Variants in RB1CC1 observed in about 807,000 individuals in gnomAD.
RB1CC1 encodes the protein RB1 inducible coiled-coil 1.
RB1CC1 carries 46 observed loss-of-function variants against 177.5 expected under a neutral mutation model. The observed-to-expected ratio is 0.26, with a 90% confidence interval of 0.20 to 0.33. The LOEUF is 0.33. RB1CC1 is among the 10% of genes least tolerant of loss of function. The pLI is 1.00. For synonymous variants in RB1CC1, 666 were observed against 613.6 expected, an observed-to-expected ratio of 1.09 and a Z score of -1.26; for missense variants, 1,703 against 1,816.3, an observed-to-expected ratio of 0.94 and a Z score of 1.13.
At chr8:52,661,052 G>C in intron 10 of RB1CC1, 43 bp downstream of exon 10, 1 of 1,610,868 alleles carries the variant, frequency 6.2e-7, no homozygotes. Context: ...ACACCAATTC[G>C]TTAAAGTTCA....
At chr8:52,697,767 A>C (rs1563460821) in intron 1 of RB1CC1, among the ~76,000 whole-genome samples, 2 of 152,226 alleles carry the variant, frequency 1.3e-5, no homozygotes, top group African/African-American at 4.8e-5. Flanking sequence ...ACACTAGAAA[A>C]TGTATTATTT....
chr8:52,666,411 C>A (rs1368299728), intron 8 of RB1CC1, among the ~76,000 whole-genome samples: 1 of 151,562 alleles, frequency 6.6e-6, no homozygotes, highest in Admixed American at 6.6e-5. Flanking sequence ...CCAGCTACTT[C>A]GGAGACTGAG....
chr8:52,677,624 ATTATTT>A (rs1853250887), intron 5 of RB1CC1, among the ~76,000 whole-genome samples: 1 of 152,232 alleles, frequency 6.6e-6, no homozygotes, highest in Non-Finnish European at 1.5e-5. Flanking sequence ...ATGTAAAATG[ATTATTT>A]TTAAGTTGTC....
At chr8:52,700,627 T>C (rs564968126) in intron 1 of RB1CC1, among the ~76,000 whole-genome samples, 26 of 152,344 alleles carry the variant, frequency 1.7e-4, no homozygotes, top group East Asian at 7.7e-4. Context: ...ATATCTTATT[T>C]GCAGCCAATC....
At chr8:52,684,363 G>C (rs964181211) in intron 3 of RB1CC1, among the ~76,000 whole-genome samples, 1 of 152,094 alleles carries the variant, frequency 6.6e-6, no homozygotes, top group Non-Finnish European at 1.5e-5. Flanking sequence ...AATCATTCAT[G>C]TAAGTGTAAA....
chr8:52,707,636 C>T (rs1455905196), intron 1 of RB1CC1, among the ~76,000 whole-genome samples: 1 of 152,046 alleles, frequency 6.6e-6, no homozygotes, highest in Non-Finnish European at 1.5e-5. Flanking sequence ...TACTCCCTAC[C>T]AGTTACAACC....
intron 18 of RB1CC1, among the ~76,000 whole-genome samples, chr8:52,638,541 A>G (rs1849325595): frequency 1.3e-5 from 2 of 152,070 alleles, no homozygotes; most frequent in Non-Finnish European, 2.9e-5. Context: ...GCATTATTTA[A>G]AAGTTTGGTT....
At chr8:52,685,002 C>T (rs1854129768) in intron 3 of RB1CC1, among the ~76,000 whole-genome samples, 3 of 130,286 alleles carry the variant, frequency 2.3e-5, no homozygotes, top group African/African-American at 8.4e-5. Context: ...ATTATGTGAC[C>T]TTTTTTTTTT....
At chr8:52,638,365 G>A (rs1849313065) in intron 18 of RB1CC1, among the ~76,000 whole-genome samples, 1 of 152,020 alleles carries the variant, frequency 6.6e-6, no homozygotes, top group Non-Finnish European at 1.5e-5. Context: ...CTGCCAGACT[G>A]GATCTATTAG....
intron 5 of RB1CC1, among the ~76,000 whole-genome samples, chr8:52,679,625 C>T (rs560303954): frequency 1.3e-5 from 2 of 152,290 alleles, no homozygotes; most frequent in East Asian, 1.9e-4. Context: ...CACATGTTAC[C>T]AGGACCCCCT....
At position 52,656,943 on chromosome 8, in the gene RB1CC1, T is replaced by G. The variant is rs759917709; in HGVS notation, c.2886A>C (p.Leu962Phe). The G allele has an allele frequency of 1.9e-6, 3 of 1,613,358 alleles. No homozygotes were observed. The Admixed American group carries it at 5.0e-5, about 27-fold the overall frequency. The change falls in exon 15 of 24, where the codon TTA becomes TTC. Residue 962 changes from leucine (L) to phenylalanine (F), a missense_variant. This residue lies in a region of RB1CC1 where 1,169 missense variants were observed against 1,184.7 expected (regional missense o/e 0.99). Coordinates refer to ENST00000025008, the MANE Select transcript of RB1CC1 (RefSeq NM_014781.5). ...KQSREIVLED[L>F]KKLHVENDEK... The stretch of plus-strand genomic sequence containing the variant: ...CATCATTTTCAACATGGAGCTTTTT[T>G]AAGTCTTCTAACACTATTTCTCGTG...
Position 52,698,642 on chromosome 8 carries a change from T to C in RB1CC1, c.-166-11675A>G, listed in dbSNP as rs1855682835. 2.1e-5 allele frequency among the ~76,000 whole-genome samples: 3 copies of C among 143,048 alleles called. No individual in the cohort carries two copies. In the South Asian group the frequency reaches 6.7e-4, roughly 32 times the overall value. 93.8% of individuals were successfully genotyped at this position (143,048 alleles called of 152,430 possible). A position where few individuals can be genotyped will look rare whatever the true frequency, so the allele number is the denominator to read the frequency against. On this transcript the variant is annotated intron_variant, in intron 1 of 23. Transcript: ENST00000025008. The stretch of plus-strand genomic sequence containing the variant: ...ATAACTTTTAATAAGGCTTACAGTA[T>C]TAACAAAAACTGTATATGTAATGGT...
chr8:52,690,668 G>C (rs746358030), intron 1 of RB1CC1, among the ~76,000 whole-genome samples: 10 of 152,118 alleles, frequency 6.6e-5, no homozygotes, highest in Non-Finnish European at 1.3e-4. Flanking sequence ...AATAATCACT[G>C]TATTGTTTTT....
At chr8:52,624,106 C>T (rs1848221952) in intron 23 of RB1CC1, among the ~76,000 whole-genome samples, 1 of 151,796 alleles carries the variant, frequency 6.6e-6, no homozygotes, top group African/African-American at 2.4e-5. Context: ...ATAGGAAAGA[C>T]AAAGTTGGTA....
chr8:52,686,874 C>T lies in RB1CC1; in HGVS notation c.-73G>A. 4 of 456,314 alleles carry T rather than the reference C, an allele frequency of 8.8e-6. No homozygotes were observed. The highest frequency in any genetic ancestry group is 6.2e-5 in the South Asian group (4 of 64,464). 28.3% of individuals were successfully genotyped at this position (456,314 alleles called of 1,614,324 possible). A position where few individuals can be genotyped will look rare whatever the true frequency, so the allele number is the denominator to read the frequency against. On this transcript the variant is annotated 5_prime_UTR_variant, in exon 2 of 24. Coordinates refer to ENST00000025008, the MANE Select transcript of RB1CC1 (RefSeq NM_014781.5). ...TTACCGTCAGGCACTGTGAAAAGGA[C>T]TACCACTTTTCTTAAAAAGTAGATT...
intron 15 of RB1CC1, among the ~76,000 whole-genome samples, chr8:52,651,648 T>C (rs2150448120): frequency 6.6e-6 from 1 of 152,294 alleles, no homozygotes; most frequent in Middle Eastern, 3.4e-3. Flanking sequence ...TGAACACAAA[T>C]TAAAGCCATT....
At position 52,698,669 on chromosome 8, in the gene RB1CC1, GGTTTTTTTTTTTTTTTTTTTTTTT is replaced by G. The variant is rs1855700734; in HGVS notation, c.-166-11726_-166-11703del. 4.4e-4 allele frequency among the ~76,000 whole-genome samples: 10 copies of G among 22,768 alleles called. 4 individuals are homozygous for G. Among genetic ancestry groups the G allele is most frequent in the African/African-American group, 1.1e-3 (8 of 7,330 alleles). 14.9% of individuals were successfully genotyped at this position (22,768 alleles called of 152,430 possible). ...AACAAAAACTGTATATGTAATGGTT[GGTTTTTTTTTTTTTTTTTTTTTTT>G]TTTTTTTTTTTTTTTTTTTTTTTTT... On this transcript the variant is annotated intron_variant, in intron 1 of 23. Coordinates refer to ENST00000025008, the MANE Select transcript of RB1CC1 (RefSeq NM_014781.5).
intron 7 of RB1CC1, among the ~76,000 whole-genome samples, chr8:52,672,126 T>C (rs1158835353): frequency 6.6e-6 from 1 of 152,200 alleles, no homozygotes; most frequent in Non-Finnish European, 1.5e-5. Context: ...TTTCTGAAGG[T>C]ATAAATATTT....
chr8:52,666,714 T>C (rs779353815), intron 8 of RB1CC1, among the ~76,000 whole-genome samples: 1 of 151,894 alleles, frequency 6.6e-6, no homozygotes, highest in Non-Finnish European at 1.5e-5. Flanking sequence ...ACTGAAACTG[T>C]AGAGCTGAAA....
Sources: allele counts gnomAD v4.1 joint callset (sites outside exome capture counted in the v4.1 genomes callset), GRCh38; gene constraint gnomAD v4.1.1; regional missense constraint gnomAD v4.1.1; transcripts MANE v1.5; gene names NCBI Gene and HGNC (gene_info 2026-07-23, HGNC 2026-07-21).